The following SGCD variants were observed in gnomAD, a reference collection of about 807,000 sequenced individuals.
SGCD encodes the protein delta-sarcoglycan.
SGCD carries 18 observed loss-of-function variants against 36.6 expected under a neutral mutation model. The observed-to-expected ratio is 0.49, with a 90% CI of 0.34 to 0.73. SGCD has a LOEUF of 0.73. Among genes scored for constraint, SGCD ranks in the 30% least tolerant of loss-of-function variants. SGCD has a pLI of 0.01. For missense variants in SGCD, 387 were observed against 346.7 expected (o/e 1.12, Z -0.92); for synonymous variants, 133 against 130.6 (o/e 1.02, Z -0.12).
intron 3 of SGCD, among the ~76,000 whole-genome samples, chr5:156,320,320 C>G (rs945487162): frequency 6.6e-6 from 1 of 152,116 alleles, no homozygotes; most frequent in Non-Finnish European, 1.5e-5. Context: ...AAGCACAGGT[C>G]TTATTTATTT....
intron 7 of SGCD, among the ~76,000 whole-genome samples, chr5:156,663,075 T>C (rs1763995058): frequency 6.6e-6 from 1 of 150,514 alleles, no homozygotes; most frequent in Non-Finnish European, 1.5e-5. Context: ...ATATATCCCA[T>C]CTTGGTCATG....
intron 3 of SGCD, among the ~76,000 whole-genome samples, chr5:156,499,802 G>A (rs924033267): frequency 3.3e-5 from 5 of 152,144 alleles, no homozygotes; most frequent in Admixed American, 6.6e-5. Flanking sequence ...CTATCATTCT[G>A]TTAAGTGTTA....
At chr5:155,732,825 C>G in the SGCD span, among the ~76,000 whole-genome samples, 1 of 152,154 alleles carries the variant, frequency 6.6e-6, no homozygotes, top group Non-Finnish European at 1.5e-5. Context: ...AACACTGGAT[C>G]CCTTCCAGAC....
chr5:155,736,862 G>C, the SGCD span, among the ~76,000 whole-genome samples: 1 of 152,138 alleles, frequency 6.6e-6, no homozygotes, highest in Non-Finnish European at 1.5e-5. Flanking sequence ...TCACCACAGA[G>C]ATGACAAAAA....
At chr5:156,529,933 G>T (rs537756010) in intron 4 of SGCD, among the ~76,000 whole-genome samples, 48 of 152,236 alleles carry the variant, frequency 3.2e-4, no homozygotes, top group African/African-American at 1.0e-3. Context: ...AATACCAAAT[G>T]GTCTGCAAAG....
intron 1 of SGCD, among the ~76,000 whole-genome samples, chr5:155,948,107 T>C (rs7716740): frequency 0.19 from 29,307 of 151,864 alleles, 3,417 homozygotes; most frequent in Admixed American, 0.38. Context: ...GAAACCCTGT[T>C]TCTACTAAAA....
intron 1 of SGCD, among the ~76,000 whole-genome samples, chr5:155,972,171 G>A (rs994087555): frequency 1.1e-4 from 17 of 152,150 alleles, no homozygotes; most frequent in Non-Finnish European, 2.9e-5. Flanking sequence ...ATTTCTAATT[G>A]AGGAAAAGAA....
At chr5:155,769,137 A>G in the SGCD span, among the ~76,000 whole-genome samples, 1 of 152,170 alleles carries the variant, frequency 6.6e-6, no homozygotes, top group African/African-American at 2.4e-5. Context: ...TAATATATAC[A>G]GTAAAAAATG....
intron 4 of SGCD, among the ~76,000 whole-genome samples, chr5:156,545,125 G>A (rs995155373): frequency 6.6e-6 from 1 of 151,698 alleles, no homozygotes; most frequent in African/African-American, 2.4e-5. Flanking sequence ...GACTTTTTTT[G>A]TTTGTTTGTT....
intron 6 of SGCD, among the ~76,000 whole-genome samples, chr5:156,607,552 T>C (rs1278220306): frequency 6.6e-6 from 1 of 152,256 alleles, no homozygotes; most frequent in African/African-American, 2.4e-5. Context: ...AGGATGATGC[T>C]GGACTCATCA....
At chr5:156,547,545 C>T (rs1015858196) in intron 4 of SGCD, among the ~76,000 whole-genome samples, 8 of 152,058 alleles carry the variant, frequency 5.3e-5, no homozygotes, top group African/African-American at 1.9e-4. Context: ...CGGGTTCACG[C>T]CATTCTCCTG....
chr5:156,192,903 T>C (rs575280229), intron 3 of SGCD, among the ~76,000 whole-genome samples: 81 of 105,618 alleles, frequency 7.7e-4, no homozygotes, highest in African/African-American at 3.2e-3. Flanking sequence ...GTGGTCTGTG[T>C]AGCAACTACT....
At chr5:156,248,252 T>C (rs974753262) in intron 3 of SGCD, among the ~76,000 whole-genome samples, 2 of 152,048 alleles carry the variant, frequency 1.3e-5, no homozygotes, top group Admixed American at 1.3e-4. Context: ...CTGGGCTGGG[T>C]GGCTCATGCC....
intron 3 of SGCD, among the ~76,000 whole-genome samples, chr5:156,457,423 G>C (rs1487193742): frequency 6.6e-6 from 1 of 152,114 alleles, no homozygotes; most frequent in Admixed American, 6.6e-5. Flanking sequence ...TTAAACCAGA[G>C]TCATTTCCAT....
At chr5:156,102,122 G>A (rs1333984796) in intron 1 of SGCD, among the ~76,000 whole-genome samples, 1 of 151,910 alleles carries the variant, frequency 6.6e-6, no homozygotes, top group Non-Finnish European at 1.5e-5. Flanking sequence ...TGGAACAAAT[G>A]TTACAGAAAT....
chr5:156,738,382 A>G (rs1756486476), intron 7 of SGCD, among the ~76,000 whole-genome samples: 1 of 152,196 alleles, frequency 6.6e-6, no homozygotes, highest in South Asian at 2.1e-4. Context: ...TCTGAGGAAC[A>G]CCATTTGCTA....
At position 155,979,437 on chromosome 5, in the gene SGCD, G is replaced by A. The variant is rs538528382; in HGVS notation, c.-282+109013G>A. Among the ~76,000 whole-genome samples the A allele has an allele frequency of 4.6e-5, 7 of 152,292 alleles. No homozygotes were observed. In the East Asian group the frequency reaches 1.4e-3, roughly 29 times the overall value. On this transcript the variant is annotated intron_variant, in intron 1 of 9. Transcript: ENST00000517913. ...GGTTGACAGAGATCTATTTTCCCAG[G>A]AAGTGGGCTCTGAGATGGAGATTAG...
At chr5:156,005,603 G>A (rs1758746549) in intron 1 of SGCD, among the ~76,000 whole-genome samples, 2 of 151,978 alleles carry the variant, frequency 1.3e-5, no homozygotes, top group Admixed American at 6.6e-5. Context: ...GGCGCCTGCC[G>A]CCGCACCTGG....
At chr5:156,700,878 G>A (rs1030563537) in intron 7 of SGCD, among the ~76,000 whole-genome samples, 9 of 149,214 alleles carry the variant, frequency 6.0e-5, no homozygotes, top group Non-Finnish European at 1.3e-4. Flanking sequence ...AGGAGGTCGA[G>A]CCTGCAGTGA....
Sources: gnomAD v4.1 joint callset for allele counts (sites outside exome capture counted in the v4.1 genomes callset) on GRCh38, gnomAD v4.1.1 for gene constraint, MANE v1.5 for transcripts, NCBI Gene and HGNC (gene_info 2026-07-23, HGNC 2026-07-21) for gene names.